NBAS: variants seen among roughly 807,000 people sequenced by gnomAD.
NBAS encodes the protein NAG/BC035112 fusion.
A neutral mutation model predicts 302.5 loss-of-function variants in NBAS; 219 were observed. That is an observed-to-expected ratio of 0.72 (90% confidence interval 0.65 to 0.81). NBAS has a LOEUF of 0.81. Ranked by LOEUF, NBAS falls within the 30% of genes least tolerant of loss-of-function variation. NBAS has a pLI of 0.00. For missense variants in NBAS, 2,932 were observed against 2,841.6 expected (o/e 1.03, Z -0.72); for synonymous variants, 1,118 against 1,021.6 (o/e 1.09, Z -1.80).
intron 11 of NBAS, among the ~76,000 whole-genome samples, chr2:15,493,377 G>A (rs1462452400): frequency 1.3e-5 from 2 of 152,160 alleles, no homozygotes; most frequent in Non-Finnish European, 2.9e-5. Flanking sequence ...CACAATAAAA[G>A]TATACCTCGG....
intron 35 of NBAS, among the ~76,000 whole-genome samples, chr2:15,350,088 C>T (rs767695682): frequency 5.3e-5 from 8 of 151,968 alleles, no homozygotes; most frequent in Non-Finnish European, 1.0e-4. Context: ...TCCATGTTCA[C>T]CAAATTAAAT....
chr2:15,197,830 C>T lies in NBAS; in HGVS notation c.6433-7427G>A, dbSNP rs1218126547. Among the ~76,000 whole-genome samples the T allele has an allele frequency of 2.0e-5, 3 of 152,326 alleles. No homozygotes were observed. The East Asian group carries it at 5.8e-4, about 29-fold the overall frequency. ...GCCTACATTTGAATTACCCCCATCT[C>T]AAACATCCCTCTCAATTCAACTCAG... On this transcript the variant is annotated intron_variant, in intron 48 of 51. Transcript: ENST00000281513.
At chr2:14,801,049 T>C in the NBAS span, among the ~76,000 whole-genome samples, 2 of 152,186 alleles carry the variant, frequency 1.3e-5, no homozygotes, top group African/African-American at 4.8e-5. Flanking sequence ...TTTTTTTCCT[T>C]TCAGTACTTC....
At chr2:15,288,580 C>T (rs548341053) in intron 41 of NBAS, among the ~76,000 whole-genome samples, 2 of 152,260 alleles carry the variant, frequency 1.3e-5, no homozygotes, top group South Asian at 2.1e-4. Context: ...GGAATGACAT[C>T]GCCAGATTTG....
intron 48 of NBAS, among the ~76,000 whole-genome samples, chr2:15,217,280 G>C (rs1666694061): frequency 6.6e-6 from 1 of 152,176 alleles, no homozygotes; most frequent in Non-Finnish European, 1.5e-5. Flanking sequence ...TCAGTGATTT[G>C]ACAAGAATAG....
intron 9 of NBAS, among the ~76,000 whole-genome samples, chr2:15,527,068 A>T (rs970352616): frequency 1.3e-5 from 2 of 148,844 alleles, no homozygotes; most frequent in Admixed American, 6.8e-5. Flanking sequence ...GCATTAAGAT[A>T]CAAAATACCC....
the NBAS span, among the ~76,000 whole-genome samples, chr2:15,043,760 T>C: frequency 1.3e-5 from 2 of 152,232 alleles, no homozygotes; most frequent in Non-Finnish European, 2.9e-5. Context: ...GTTCTAAGTC[T>C]AGCTCTGCCA....
chr2:15,409,453 T>C (rs1676576976), intron 25 of NBAS, among the ~76,000 whole-genome samples: 1 of 152,228 alleles, frequency 6.6e-6, no homozygotes, highest in Non-Finnish European at 1.5e-5. Context: ...TTTAACCCCA[T>C]ATATTTTTCA....
chr2:15,330,507 T>C (rs1037343401), intron 36 of NBAS, 91 bp downstream of exon 36: 2 of 1,517,856 alleles, frequency 1.3e-6, no homozygotes, highest in African/African-American at 1.4e-5. Flanking sequence ...CTAGAGAAGA[T>C]AAAGATATAA....
At chr2:14,931,180 C>G in the NBAS span, among the ~76,000 whole-genome samples, 3 of 152,204 alleles carry the variant, frequency 2.0e-5, no homozygotes, top group African/African-American at 7.2e-5. Context: ...AGAAGTGAGG[C>G]AGGATACAGA....
intron 48 of NBAS, among the ~76,000 whole-genome samples, chr2:15,205,314 A>C (rs1386937335): frequency 6.6e-6 from 1 of 152,142 alleles, no homozygotes; most frequent in Non-Finnish European, 1.5e-5. Context: ...CACCTTCACT[A>C]AACGGAAGAC....
At chr2:15,309,328 A>AT in intron 38 of NBAS, 81 bp from the exon 39 acceptor site, 1 of 1,208,812 alleles carries the variant, frequency 8.3e-7, no homozygotes, top group Non-Finnish European at 1.2e-6. Flanking sequence ...TTTCAGCCCC[A>AT]TAAGATTTCA....
chr2:15,493,269 T>A (rs779624651), intron 11 of NBAS, among the ~76,000 whole-genome samples: 1 of 152,250 alleles, frequency 6.6e-6, no homozygotes, highest in Non-Finnish European at 1.5e-5. Flanking sequence ...TCTTAGGTAG[T>A]TCTTTATAGC....
At chr2:15,139,501 G>GGT in the NBAS span, among the ~76,000 whole-genome samples, 1,905 of 148,594 alleles carry the variant, frequency 0.013, 73 homozygotes, top group East Asian at 0.14. Context: ...TTTAGTGTAT[G>GGT]GTGTGTGTGT....
At chr2:15,549,789 G>C (rs181919058) in intron 6 of NBAS, among the ~76,000 whole-genome samples, 408 of 152,064 alleles carry the variant, frequency 2.7e-3, no homozygotes, top group Non-Finnish European at 4.5e-3. Flanking sequence ...CCAGGGCTTG[G>C]TAAAATTAAG....
intron 35 of NBAS, among the ~76,000 whole-genome samples, chr2:15,350,132 T>C (rs1010355836): frequency 2.6e-5 from 4 of 151,942 alleles, no homozygotes; most frequent in African/African-American, 7.3e-5. Flanking sequence ...GAGAATGGGG[T>C]AGTTGCATAT....
rs113246052 is a variant in NBAS at position 15,537,725 on chromosome 2, G to C, written c.514-1174C>G. ...CTCTATCTTTAAAAAAAGAAAAAATGGTATATAAGCCTGAGTCTAACCACT... is the reference window on the plus strand; with the variant it reads ...CTCTATCTTTAAAAAAAGAAAAAATCGTATATAAGCCTGAGTCTAACCACT... On this transcript the variant is annotated intron_variant, in intron 7 of 51. Coordinates refer to ENST00000281513, the MANE Select transcript of NBAS (RefSeq NM_015909.4). Among the ~76,000 whole-genome samples the C allele has an allele frequency of 8.8e-3, 1,343 of 152,172 alleles. 13 individuals carry two copies. The highest frequency in any genetic ancestry group is 0.031 in the African/African-American group (1,270 of 41,524).
intron 14 of NBAS, among the ~76,000 whole-genome samples, 182 bp downstream of exon 14, chr2:15,475,505 T>A (rs1483630386): frequency 6.6e-6 from 1 of 152,168 alleles, no homozygotes; most frequent in African/African-American, 2.4e-5. Flanking sequence ...TTTTCTTCAT[T>A]ATAATTGCAA....
chr2:15,252,651 AAC>A (rs1256082680), intron 44 of NBAS, among the ~76,000 whole-genome samples: 2 of 152,184 alleles, frequency 1.3e-5, no homozygotes, highest in Non-Finnish European at 2.9e-5. Flanking sequence ...AGGGTTTACA[AAC>A]AGTTTATTAT....
Sources: allele counts gnomAD v4.1 joint callset (sites outside exome capture counted in the v4.1 genomes callset), GRCh38; gene constraint gnomAD v4.1.1; transcripts MANE v1.5; gene names NCBI Gene and HGNC (gene_info 2026-07-23, HGNC 2026-07-21).